Variants in CNTLN observed in about 807,000 individuals in gnomAD.
The protein encoded by CNTLN is centlein, also known as centlein, centrosomal protein.
Under a neutral mutation model 180.0 loss-of-function variants are expected in CNTLN, and 212 were observed. The observed-to-expected ratio is 1.18, with a 90% CI of 1.05 to 1.32. The LOEUF (loss-of-function observed/expected upper bound fraction) is 1.32, where lower values mean the gene tolerates loss of function less well. Among genes scored for constraint, CNTLN ranks in the 40% most tolerant of loss-of-function variants. The probability of loss-of-function intolerance (pLI) is 0.00; values close to 1 mark genes in which losing one functional copy is unlikely to be tolerated. For synonymous variants in CNTLN, 722 were observed against 563.1 expected (o/e 1.28, Z -3.99); for missense variants, 2,095 against 1,610.9 (o/e 1.30, Z -5.14).
chr9:17,462,022 T>C (rs975978951), intron 19 of CNTLN, among the ~76,000 whole-genome samples: 2 of 151,864 alleles, frequency 1.3e-5, no homozygotes, highest in Admixed American at 1.3e-4. Flanking sequence ...ATGTAATAAG[T>C]AGCATTATTA....
chr9:17,448,482 G>A (rs942463181), intron 18 of CNTLN: 2 of 152,052 alleles, frequency 1.3e-5, no homozygotes, highest in African/African-American at 4.8e-5. Flanking sequence ...ATTTTCTGAT[G>A]CTCCAAAGCC....
chr9:17,443,447 C>G (rs1051992637), intron 18 of CNTLN, among the ~76,000 whole-genome samples: 120 of 152,096 alleles, frequency 7.9e-4, no homozygotes, highest in African/African-American at 2.6e-3. Flanking sequence ...ATTACAATTT[C>G]AGGGATTGTT....
chr9:17,513,839 C>G, the CNTLN span, among the ~76,000 whole-genome samples: 1 of 152,048 alleles, frequency 6.6e-6, no homozygotes, highest in African/African-American at 2.4e-5. Context: ...TACAATTAAA[C>G]TAACTCTGGT....
At chr9:17,235,906 C>T in intron 4 of CNTLN, 114 bp downstream of exon 4, 1 of 997,360 alleles carries the variant, frequency 1.0e-6, no homozygotes, top group Non-Finnish European at 1.4e-6. Context: ...TTGCCTTAGG[C>T]CCTCCTGTAC....
intron 12 of CNTLN, among the ~76,000 whole-genome samples, chr9:17,356,076 A>AAAAAG (rs1554698177): frequency 1.1e-4 from 16 of 140,128 alleles, no homozygotes; most frequent in African/African-American, 3.2e-4. Context: ...AAAAAAAAAA[A>AAAAAG]AAAAAGAAAA....
intron 25 of CNTLN, among the ~76,000 whole-genome samples, chr9:17,489,690 T>C (rs1833051745): frequency 6.6e-6 from 1 of 152,160 alleles, no homozygotes; most frequent in Non-Finnish European, 1.5e-5. Context: ...TACCTACTGC[T>C]GTTGTTAGCT....
intron 25 of CNTLN, among the ~76,000 whole-genome samples, chr9:17,497,618 A>G (rs1482328081): frequency 6.6e-6 from 1 of 152,228 alleles, no homozygotes; most frequent in Admixed American, 6.5e-5. Context: ...GAAAAAAGCT[A>G]TAGCCTTCAA....
rs774698242 is a variant in CNTLN, at chr9:17,135,156, G to A, written c.91G>A (p.Val31Ile). Residue 31 changes from valine (V) to isoleucine (I), a missense_variant, in exon 1 of 26, where the codon GTA (valine) becomes ATA (isoleucine). Transcript: ENST00000380647. ...RSPRVGRGAEVHAMRSEASGF... is the reference protein window; with the variant it reads ...RSPRVGRGAEIHAMRSEASGF... Reference sequence around the variant, plus strand: ...CCCACGTGTTGGGCGGGGAGCTGAAGTACACGCAATGCGCAGCGAGGCCTC... The same window carrying A: ...CCCACGTGTTGGGCGGGGAGCTGAAATACACGCAATGCGCAGCGAGGCCTC... 6.2e-7 allele frequency: 1 copy of A among 1,609,308 alleles called. No homozygotes were observed. Among genetic ancestry groups the A allele is most frequent in the African/African-American group, 1.3e-5 (1 of 74,916 alleles).
chr9:17,314,861 T>C (rs1819438861), intron 8 of CNTLN, among the ~76,000 whole-genome samples: 1 of 152,206 alleles, frequency 6.6e-6, no homozygotes, highest in African/African-American at 2.4e-5. Context: ...GTCATTATTG[T>C]AAATGGAACT....
chr9:17,262,010 C>A (rs892534540), intron 5 of CNTLN, among the ~76,000 whole-genome samples: 3 of 151,520 alleles, frequency 2.0e-5, no homozygotes, highest in Non-Finnish European at 4.4e-5. Context: ...AAATGCATAT[C>A]AAAACCACTA....
chr9:17,222,612 A>C (rs1366257285), intron 2 of CNTLN, among the ~76,000 whole-genome samples: 1 of 152,004 alleles, frequency 6.6e-6, no homozygotes, highest in African/African-American at 2.4e-5. Context: ...AGGCCTCCCC[A>C]GCCATGTCGA....
intron 13 of CNTLN, among the ~76,000 whole-genome samples, chr9:17,368,649 A>C (rs1824037015): frequency 6.6e-6 from 1 of 152,154 alleles, no homozygotes; most frequent in Non-Finnish European, 1.5e-5. Flanking sequence ...AGGCTCAGCA[A>C]AGAGAGAGAG....
intron 23 of CNTLN, among the ~76,000 whole-genome samples, chr9:17,477,593 A>G (rs1588081451): frequency 6.6e-6 from 1 of 152,334 alleles, no homozygotes; most frequent in Non-Finnish European, 1.5e-5. Context: ...TCAAGACATT[A>G]GTGGAGGAAG....
intron 2 of CNTLN, among the ~76,000 whole-genome samples, chr9:17,212,288 C>A (rs995797011): frequency 1.2e-3 from 181 of 152,206 alleles, no homozygotes; most frequent in Non-Finnish European, 1.4e-3. Context: ...TTGTCAAAGG[C>A]CTTTTCTGCA....
At chr9:17,328,625 C>T (rs1008600408) in intron 8 of CNTLN, among the ~76,000 whole-genome samples, 2 of 152,210 alleles carry the variant, frequency 1.3e-5, no homozygotes, top group African/African-American at 2.4e-5. Context: ...GAGAGACAAA[C>T]CAGACTTAAA....
intron 18 of CNTLN, among the ~76,000 whole-genome samples, chr9:17,444,795 C>G (rs1830306634): frequency 6.6e-6 from 1 of 152,082 alleles, no homozygotes; most frequent in Non-Finnish European, 1.5e-5. Flanking sequence ...ATATGATAAA[C>G]AGAAAACAAT....
chr9:17,266,990 C>G (rs1827511538), intron 5 of CNTLN, among the ~76,000 whole-genome samples: 2 of 152,108 alleles, frequency 1.3e-5, no homozygotes, highest in African/African-American at 4.8e-5. Context: ...GACTCTTTAT[C>G]CAATTTGCCA....
intron 13 of CNTLN, 76 bp from the exon 14 acceptor site, chr9:17,388,086 C>T: frequency 3.4e-6 from 3 of 891,484 alleles, no homozygotes; most frequent in East Asian, 2.6e-5. Context: ...AACCATAGAA[C>T]CCTTTTTCTT....
In CNTLN at chr9:17,458,789, A is replaced by G. The variant is rs528724917; in HGVS notation, c.3306+1074A>G. Among the ~76,000 whole-genome samples the G allele has an allele frequency of 1.6e-4, 24 of 152,050 alleles. No individual in the cohort carries two copies. The South Asian group carries it at 4.1e-3, about 26-fold the overall frequency. ...CATCTTCTTTAGTCAATTTATGTGTATAACTTGGGTCAGTCACAACATTTT... is the reference window on the plus strand; with the variant it reads ...CATCTTCTTTAGTCAATTTATGTGTGTAACTTGGGTCAGTCACAACATTTT... On this transcript the variant is annotated intron_variant, in intron 19 of 25. Transcript: ENST00000380647.
Sources: gnomAD v4.1 joint callset for allele counts (sites outside exome capture counted in the v4.1 genomes callset) on GRCh38, gnomAD v4.1.1 for gene constraint, MANE v1.5 for transcripts, NCBI Gene and HGNC (gene_info 2026-07-23, HGNC 2026-07-21) for gene names.